Variants in STARD13 observed in about 807,000 individuals in gnomAD.
STARD13 encodes stAR-related lipid transfer protein 13.
A neutral mutation model predicts 106.4 loss-of-function variants in STARD13; 62 were observed. The observed-to-expected ratio is 0.58, with a 90% CI of 0.48 to 0.72. STARD13 has a LOEUF of 0.72. Ranked by LOEUF, STARD13 falls within the 30% of genes least tolerant of loss-of-function variation. The pLI, the probability that STARD13 is intolerant of heterozygous loss-of-function variation, is 0.00. For missense variants in STARD13, 1,387 were observed against 1,424.0 expected, an observed-to-expected ratio of 0.97 and a Z score of 0.42; for synonymous variants, 565 against 553.0, an observed-to-expected ratio of 1.02 and a Z score of -0.31.
chr13:33,506,212 G>GC, the STARD13 span, among the ~76,000 whole-genome samples: 1 of 152,140 alleles, frequency 6.6e-6, no homozygotes, highest in Non-Finnish European at 1.5e-5. Flanking sequence ...AAGCATTAAA[G>GC]CACTTTCCTT....
chr13:33,342,533 GT>G lies in STARD13; in HGVS notation c.124+7756del, dbSNP rs1317679388. ...ATCAGTGAGGGTTTTTTTATAGTTT[GT>G]TTTTTTTTTTTTAAGACATGGGGTC... On this transcript the variant is annotated intron_variant, in intron 1 of 5. Coordinates refer to the STARD13 transcript ENST00000567873. 7.2e-3 allele frequency among the ~76,000 whole-genome samples: 997 copies of G among 138,644 alleles called. 4 individuals are homozygous for G. Among genetic ancestry groups the G allele is most frequent in the African/African-American group, 0.023 (824 of 36,428 alleles). 91.0% of individuals were successfully genotyped at this position (138,644 alleles called of 152,430 possible). A position where few individuals can be genotyped will look rare whatever the true frequency, so the allele number is the denominator to read the frequency against.
At chr13:33,310,206 C>T (rs1164587943) in intron 1 of STARD13, among the ~76,000 whole-genome samples, 1 of 152,150 alleles carries the variant, frequency 6.6e-6, no homozygotes, top group Non-Finnish European at 1.5e-5. Flanking sequence ...ATTGATGGCC[C>T]TAATTCCCCC....
chr13:33,127,397 A>G lies in STARD13; in HGVS notation c.1898T>C (p.Met633Thr). Residue 633 changes from methionine to threonine, a missense_variant, in exon 6 of 14, where the codon ATG becomes ACG. Physicochemically the swap from Met to Thr is moderately conservative, Grantham distance 81. Transcript: ENST00000336934. ...RLTAIMEKHSMSNKHGWTWSV... is the reference protein window; with the variant it reads ...RLTAIMEKHSTSNKHGWTWSV... ...CCATGTCCAGCCGTGCTTGTTGGAC[A>G]TGGAGTGCTTCTCCATGATGGCCGT... is the stretch of plus-strand genomic sequence containing the variant. 2 of 1,603,762 alleles carry G rather than the reference A, an allele frequency of 1.2e-6. No individual in the cohort carries two copies. The highest frequency in any genetic ancestry group is 8.5e-7 in the Non-Finnish European group (1 of 1,176,440).
At chr13:33,138,733 C>T (rs920680834) in intron 4 of STARD13, 3 of 392,882 alleles carry the variant, frequency 7.6e-6, no homozygotes, top group South Asian at 3.8e-5. Context: ...TGTCCTGTCT[C>T]CTGAAATGCT....
At chr13:33,484,616 A>C in the STARD13 span, among the ~76,000 whole-genome samples, 1 of 151,970 alleles carries the variant, frequency 6.6e-6, no homozygotes, top group African/African-American at 2.4e-5. Flanking sequence ...CCTTTAAAAA[A>C]CCCTCACTTC....
At chr13:33,642,161 GTGAT>G in the STARD13 span, among the ~76,000 whole-genome samples, 5 of 152,164 alleles carry the variant, frequency 3.3e-5, no homozygotes, top group African/African-American at 1.2e-4. Flanking sequence ...ATTGATGAGG[GTGAT>G]TGATCTTTTC....
At chr13:33,558,947 A>C in the STARD13 span, among the ~76,000 whole-genome samples, 8 of 151,610 alleles carry the variant, frequency 5.3e-5, 1 homozygote, top group African/African-American at 2.0e-4. Context: ...AAATTAGTAC[A>C]TATCCTGAGA....
chr13:33,223,932 A>G (rs1888485474), intron 1 of STARD13, among the ~76,000 whole-genome samples: 1 of 152,188 alleles, frequency 6.6e-6, no homozygotes. Flanking sequence ...ATTAACCATT[A>G]TTCTCCCTAG....
chr13:33,156,409 G>A (rs767910821), intron 3 of STARD13, among the ~76,000 whole-genome samples: 3 of 152,140 alleles, frequency 2.0e-5, no homozygotes, highest in Non-Finnish European at 4.4e-5. Flanking sequence ...GTGTGGCAAA[G>A]ACAAGAACCT....
At chr13:33,198,636 C>T (rs1351221281) in intron 1 of STARD13, among the ~76,000 whole-genome samples, 2 of 152,078 alleles carry the variant, frequency 1.3e-5, no homozygotes, top group Non-Finnish European at 2.9e-5. Flanking sequence ...TTATGCTATT[C>T]ACTCTCTGTC....
At chr13:33,662,355 T>C in the STARD13 span, among the ~76,000 whole-genome samples, 1 of 152,246 alleles carries the variant, frequency 6.6e-6, no homozygotes. Context: ...TTTCTCTTAA[T>C]TTGATTGTAT....
chr13:33,155,797 G>A (rs1881882028), intron 3 of STARD13, among the ~76,000 whole-genome samples: 2 of 152,168 alleles, frequency 1.3e-5, no homozygotes, highest in Non-Finnish European at 2.9e-5. Context: ...GAACAGACAT[G>A]ATTACTTGCA....
rs150730526 is a variant in STARD13 at position 33,151,218 on chromosome 13, T to A, written c.324-8845A>T. On this transcript the variant is annotated intron_variant, in intron 3 of 13. Coordinates refer to ENST00000336934, the MANE Select transcript of STARD13 (RefSeq NM_178006.4). ...AGGGGTGTTAGTCTGTTTTCATTGC[T>A]ATTAAGGAATACCTGAGACTGGGTT... Among the ~76,000 whole-genome samples, 168 of 152,362 alleles carry A rather than the reference T, an allele frequency of 1.1e-3. 1 individual carries two copies. Among genetic ancestry groups the A allele is most frequent in the African/African-American group, 3.7e-3 (155 of 41,588 alleles).
At chr13:33,501,009 T>TA in the STARD13 span, among the ~76,000 whole-genome samples, 620 of 138,302 alleles carry the variant, frequency 4.5e-3, 3 homozygotes, top group South Asian at 0.014. Context: ...TTTATGGTCT[T>TA]AAAAAAAAAA....
the STARD13 span, among the ~76,000 whole-genome samples, chr13:33,642,949 G>T: frequency 3.8e-3 from 582 of 151,852 alleles, 3 homozygotes; most frequent in African/African-American, 0.013. Context: ...CATACACAAG[G>T]ACAGAGTTTC....
intron 1 of STARD13, among the ~76,000 whole-genome samples, chr13:33,240,695 TTTTATCCTTAAGGATCCTTAAG>T (rs1350251079): frequency 1.3e-5 from 2 of 151,612 alleles, no homozygotes; most frequent in Admixed American, 1.3e-4. Context: ...TCCTTAAGTA[TTTTATCCTTAAGGATCCTTAAG>T]TTTATCCTTA....
At chr13:33,258,817 T>C (rs1252125333) in intron 1 of STARD13, among the ~76,000 whole-genome samples, 1 of 152,212 alleles carries the variant, frequency 6.6e-6, no homozygotes, top group Non-Finnish European at 1.5e-5. Flanking sequence ...GGTTTCTCCT[T>C]AATTTGCTCT....
the STARD13 span, among the ~76,000 whole-genome samples, chr13:33,636,462 G>A: frequency 5.3e-5 from 8 of 152,254 alleles, no homozygotes; most frequent in African/African-American, 1.2e-4. Context: ...GTGTGAATGC[G>A]ATGGGACACC....
chr13:33,129,549 C>T lies in STARD13; in HGVS notation c.1128G>A (p.Pro376=), dbSNP rs201252605. ...GCATACGGCTTTGGTCCCCTGCATC[C>T]GGCAGTGCTGTCCCCGCCAGCACAT... ...DLDVLAGTAL[P]DAGDQSRMHE... Residue 376 remains proline (P), a synonymous_variant, in exon 5 of 14, where the codon CCG becomes CCA. Transcript: ENST00000336934. 59 of 1,614,012 alleles carry T rather than the reference C, an allele frequency of 3.7e-5. No homozygotes were observed. Among genetic ancestry groups the T allele is most frequent in the African/African-American group, 5.3e-5 (4 of 74,922 alleles).
Sources: gnomAD v4.1 joint callset for allele counts (sites outside exome capture counted in the v4.1 genomes callset) on GRCh38, gnomAD v4.1.1 for gene constraint, MANE v1.5 for transcripts, NCBI Gene and HGNC (gene_info 2026-07-23, HGNC 2026-07-21) for gene names.